Variants in DAPK1 observed in about 807,000 individuals in gnomAD.
DAPK1 encodes the protein death-associated protein kinase 1.
A neutral mutation model predicts 144.9 loss-of-function variants in DAPK1; 56 were observed. The ratio of observed to expected loss-of-function variants is 0.39; its 90% confidence interval spans 0.31 to 0.48. DAPK1 has a LOEUF of 0.48. DAPK1 is among the 20% of genes least tolerant of loss of function. DAPK1 has a pLI of 0.95. For missense variants in DAPK1, 1,454 were observed against 1,875.4 expected (o/e 0.78, Z 4.15); for synonymous variants, 690 against 749.0 (o/e 0.92, Z 1.29).
At chr9:87,682,909 C>G (rs971847467) in intron 20 of DAPK1, among the ~76,000 whole-genome samples, 3 of 152,122 alleles carry the variant, frequency 2.0e-5, no homozygotes, top group African/African-American at 7.2e-5. Context: ...ATAAGGAATT[C>G]ACAGGCACAC....
chr9:87,638,040 T>A lies in DAPK1; in HGVS notation c.382T>A (p.Tyr128Asn). The change falls in exon 4 of 26, where the codon TAC becomes AAC. Residue 128 changes from tyrosine to asparagine, a missense_variant. Coordinates refer to ENST00000408954, the MANE Select transcript of DAPK1 (RefSeq NM_004938.4). ...TCTCAAACAAATTCTTAATGGTGTT[T>A]ACTACCTGCACTCCCTTCAAATCGC... ...EFLKQILNGV[Y>N]YLHSLQIAHF... The A allele has an allele frequency of 6.2e-7, 1 of 1,613,978 alleles. No individual in the cohort carries two copies. The highest frequency in any genetic ancestry group is 1.3e-5 in the African/African-American group (1 of 75,050).
At chr9:87,551,028 C>G (rs1416875476) in intron 2 of DAPK1, among the ~76,000 whole-genome samples, 5 of 152,248 alleles carry the variant, frequency 3.3e-5, no homozygotes, top group South Asian at 4.1e-4. Context: ...TGGGTCCCCC[C>G]ACCTTGGCCA....
At chr9:87,576,875 A>C (rs1385413470) in intron 2 of DAPK1, among the ~76,000 whole-genome samples, 1 of 151,948 alleles carries the variant, frequency 6.6e-6, no homozygotes, top group African/African-American at 2.4e-5. Context: ...TCTCGGTTTT[A>C]ATTGTCCTAC....
intron 3 of DAPK1, among the ~76,000 whole-genome samples, chr9:87,629,309 A>G (rs1829585779): frequency 6.6e-6 from 1 of 152,172 alleles, no homozygotes; most frequent in Non-Finnish European, 1.5e-5. Flanking sequence ...CAAGCCCAGG[A>G]GCACAGAGAT....
intron 2 of DAPK1, among the ~76,000 whole-genome samples, chr9:87,538,399 C>T (rs1444999227): frequency 1.3e-5 from 2 of 152,080 alleles, no homozygotes; most frequent in East Asian, 1.9e-4. Flanking sequence ...TGTAGATGTC[C>T]GAGTGTGTGT....
In DAPK1 at chr9:87,707,158, C is replaced by G. The variant is rs780410982; in HGVS notation, c.4087C>G (p.Arg1363Gly). ...FLPSPLHALL[R>G]EWTTYPESTV... ...CCCCAGCCCCCTCCACGCCCTGCTG[C>G]GGGAATGGACCACCTACCCTGAGAG... The change falls in exon 26 of 26, where the codon CGG becomes GGG. Residue 1363 changes from arginine to glycine, a missense_variant. Arg to Gly is a moderately radical substitution (Grantham distance 125, BLOSUM62 -2). Transcript: ENST00000408954. The surrounding 1 kb of genome is among the most constrained non-coding windows in gnomAD (Gnocchi z 4.0). 2.5e-6 allele frequency: 4 copies of G among 1,613,270 alleles called. 1 individual carries two copies. The highest frequency in any genetic ancestry group is 1.3e-5 in the African/African-American group (1 of 74,926).
chr9:87,698,601 G>A, intron 22 of DAPK1, 55 bp from the exon 23 acceptor site: 1 of 1,208,784 alleles, frequency 8.3e-7, no homozygotes, highest in South Asian at 1.3e-5. Flanking sequence ...CTGGGCAGGA[G>A]AGGCAGCCAG....
chr9:87,507,246 C>T (rs1824637155), intron 2 of DAPK1, among the ~76,000 whole-genome samples: 1 of 152,162 alleles, frequency 6.6e-6, no homozygotes, highest in Non-Finnish European at 1.5e-5. Context: ...GAATTTCGCT[C>T]TTGTTGCCCT....
intron 2 of DAPK1, among the ~76,000 whole-genome samples, chr9:87,561,792 G>T (rs982352373): frequency 5.3e-5 from 8 of 152,216 alleles, no homozygotes; most frequent in African/African-American, 1.9e-4. Context: ...TGTGTGGACA[G>T]TGCTTATCTG....
chr9:87,564,846 A>G (rs888335), intron 2 of DAPK1, among the ~76,000 whole-genome samples: 120,674 of 152,064 alleles, frequency 0.79, 48,546 homozygotes, highest in African/African-American at 0.92. Context: ...CAACTTGGGG[A>G]ACACATTCAA....
chr9:87,706,457 T>C lies in DAPK1; in HGVS notation c.3386T>C (p.Val1129Ala). ...EEDEVMVYGGVRIVPVEHLTP... is the reference protein window; with the variant it reads ...EEDEVMVYGGARIVPVEHLTP... The stretch of plus-strand genomic sequence containing the variant: ...GACGAGGTGATGGTGTATGGTGGCG[T>C]GCGCATCGTGCCCGTGGAACACCTC... The change falls in exon 26 of 26, where the codon GTG becomes GCG. Residue 1129 changes from valine (V) to alanine (A), a missense_variant. Physicochemically the swap from Val to Ala is moderately conservative, Grantham distance 64 (BLOSUM62 0). Around this residue, in one of 2 missense-constraint regions of DAPK1, gnomAD observed 1,025 missense variants for 1,237.9 expected, o/e 0.83. Transcript: ENST00000408954. This position sits in a 1 kb window ranked among gnomAD's most constrained non-coding sequence, Gnocchi z 9.0. The C allele has an allele frequency of 6.2e-7, 1 of 1,613,864 alleles. No individual in the cohort carries two copies. Among genetic ancestry groups the C allele is most frequent in the Non-Finnish European group, 8.5e-7 (1 of 1,179,718 alleles).
At chr9:87,623,959 T>C (rs1829400143) in intron 3 of DAPK1, among the ~76,000 whole-genome samples, 1 of 152,216 alleles carries the variant, frequency 6.6e-6, no homozygotes, top group South Asian at 2.1e-4. Flanking sequence ...GAGCACTTTT[T>C]ATATGCCGGG....
At chr9:87,559,045 A>G (rs1826814593) in intron 2 of DAPK1, among the ~76,000 whole-genome samples, 1 of 152,112 alleles carries the variant, frequency 6.6e-6, no homozygotes, top group African/African-American at 2.4e-5. Flanking sequence ...ACATGCATGC[A>G]CCAGCTATCT....
intron 3 of DAPK1, chr9:87,632,852 C>G: frequency 1.1e-6 from 1 of 929,266 alleles, no homozygotes; most frequent in Non-Finnish European, 1.2e-6. Flanking sequence ...TGATGAGTAC[C>G]TATGTAAAAA....
rs527728195 is a variant in DAPK1, at chr9:87,706,074, C to CT, written c.3061-57dup. 117 of 1,337,326 alleles carry CT rather than the reference C, an allele frequency of 8.7e-5. No individual in the cohort carries two copies. The African/African-American group carries it at 1.5e-3, about 18-fold the overall frequency. 82.8% of individuals were successfully genotyped at this position (1,337,326 alleles called of 1,614,324 possible). A position where few individuals can be genotyped will look rare whatever the true frequency, so the allele number is the denominator to read the frequency against. The stretch of plus-strand genomic sequence containing the variant: ...TCAGGCCCTTTAGTGCTCTAAGTGG[C>CT]TGGTGCACCTGGCCAGGGCTCTGTC... On this transcript the variant is annotated intron_variant, in intron 25 of 25. Coordinates refer to ENST00000408954, the MANE Select transcript of DAPK1 (RefSeq NM_004938.4). The surrounding 1 kb of genome is among the most constrained non-coding windows in gnomAD (Gnocchi z 9.0).
intron 3 of DAPK1, chr9:87,632,443 T>A (rs1829730336): frequency 1.0e-6 from 1 of 981,414 alleles, no homozygotes; most frequent in African/African-American, 1.8e-5. Context: ...TATGTAAGGA[T>A]GAAGGAGGAT....
chr9:87,525,158 G>A, intron 2 of DAPK1: 1 of 689,558 alleles, frequency 1.5e-6, no homozygotes, highest in Non-Finnish European at 2.6e-6. Context: ...AAACAGTTGG[G>A]TGGAAGACTG....
chr9:87,658,569 C>T (rs562389412), intron 18 of DAPK1, among the ~76,000 whole-genome samples: 19 of 152,200 alleles, frequency 1.2e-4, no homozygotes, highest in Admixed American at 9.2e-4. Flanking sequence ...TGCCAGGTGC[C>T]GTAAGCAGGA....
At chr9:87,557,293 T>C (rs1826753262) in intron 2 of DAPK1, among the ~76,000 whole-genome samples, 1 of 152,192 alleles carries the variant, frequency 6.6e-6, no homozygotes, top group Non-Finnish European at 1.5e-5. Flanking sequence ...CACATCTTCA[T>C]TTCCCACCAT....
Sources: gnomAD v4.1 joint callset for allele counts (sites outside exome capture counted in the v4.1 genomes callset) on GRCh38, gnomAD v4.1.1 for gene constraint, gnomAD v4.1.1 regional missense constraint, Gnocchi (gnomAD v3.1) non-coding constraint, MANE v1.5 for transcripts, NCBI Gene and HGNC (gene_info 2026-07-23, HGNC 2026-07-21) for gene names.